The following DMC1 variants were observed in gnomAD, a reference collection of about 807,000 sequenced individuals.
DMC1 encodes the protein meiotic recombination protein DMC1 homolog.
Under a neutral mutation model 50.1 loss-of-function variants are expected in DMC1, and 27 were observed. The ratio of observed to expected loss-of-function variants is 0.54; its 90% CI spans 0.40 to 0.74. The LOEUF (loss-of-function observed/expected upper bound fraction) is 0.74. Ranked by LOEUF, DMC1 falls within the 30% of genes least tolerant of loss-of-function variation. The pLI is 0.00. For synonymous variants in DMC1, 148 were observed against 136.1 expected, an observed-to-expected ratio of 1.09 and a Z score of -0.61; for missense variants, 295 against 420.2, an observed-to-expected ratio of 0.70 and a Z score of 2.60.
intron 7 of DMC1, among the ~76,000 whole-genome samples, chr22:38,551,342 T>G (rs1408923222): frequency 6.6e-6 from 1 of 152,312 alleles, no homozygotes; most frequent in Admixed American, 6.5e-5. Flanking sequence ...ATTTACTTTT[T>G]TTTTCGAGAC....
intron 12 of DMC1, among the ~76,000 whole-genome samples, chr22:38,535,263 C>T (rs1436435525): frequency 6.6e-6 from 1 of 150,756 alleles, no homozygotes; most frequent in African/African-American, 2.4e-5. Flanking sequence ...CGTGCCACTG[C>T]ACTCTAGCCT....
chr22:38,540,940 T>G (rs1035681028), intron 8 of DMC1, among the ~76,000 whole-genome samples: 7 of 152,196 alleles, frequency 4.6e-5, no homozygotes, highest in African/African-American at 1.7e-4. Context: ...AAAGTGCCCT[T>G]ATACAAAGGC....
At chr22:38,554,443 GAAAAA>G (rs540883900) in intron 6 of DMC1, among the ~76,000 whole-genome samples, 10 of 52,004 alleles carry the variant, frequency 1.9e-4, no homozygotes, top group African/African-American at 6.5e-4. Context: ...CAAGTCAACA[GAAAAA>G]AAAAAAAAAA....
chr22:38,569,854 G>C (rs1320677467), intron 1 of DMC1, among the ~76,000 whole-genome samples, 189 bp downstream of exon 1: 1 of 152,198 alleles, frequency 6.6e-6, no homozygotes. Flanking sequence ...CCTAGACTCA[G>C]GTCCGATTCG....
intron 3 of DMC1, 36 bp from the exon 4 acceptor site, chr22:38,566,772 G>A (rs1569172857): frequency 6.2e-7 from 1 of 1,606,252 alleles, no homozygotes; most frequent in African/African-American, 1.3e-5. Context: ...AGACTGATAA[G>A]ATGCCAGCCT....
At chr22:38,526,809 C>T (rs1250870835) in intron 12 of DMC1, among the ~76,000 whole-genome samples, 1 of 151,990 alleles carries the variant, frequency 6.6e-6, no homozygotes, top group Admixed American at 6.6e-5. Context: ...CTATTGAGGT[C>T]TACTTACAGG....
intron 8 of DMC1, among the ~76,000 whole-genome samples, chr22:38,543,296 C>T (rs971856648): frequency 2.0e-5 from 3 of 146,936 alleles, no homozygotes; most frequent in Admixed American, 7.0e-5. Context: ...ATGGCATGAT[C>T]TCGGCTCACT....
chr22:38,553,510 A>G (rs1248026250), intron 6 of DMC1, among the ~76,000 whole-genome samples: 3 of 150,028 alleles, frequency 2.0e-5, no homozygotes, highest in African/African-American at 7.4e-5. Flanking sequence ...AAAAAAAAAA[A>G]AAAAAAGAAA....
intron 8 of DMC1, among the ~76,000 whole-genome samples, chr22:38,546,724 A>G (rs78496817): frequency 2.6e-5 from 4 of 152,210 alleles, no homozygotes; most frequent in Non-Finnish European, 2.9e-5. Context: ...AGATTAGAAA[A>G]AGCAGGCCTT....
Position 38,552,684 on chromosome 22 carries a change from G to C in DMC1, c.403C>G (p.Leu135Val). 1 of 1,594,124 alleles carries C rather than the reference G, an allele frequency of 6.3e-7. No homozygotes were observed. Among genetic ancestry groups the C allele is most frequent in the Non-Finnish European group, 8.6e-7 (1 of 1,162,172 alleles). The change falls in exon 7 of 14, where the codon CTT becomes GTT. Residue 135 changes from leucine (L) to valine (V), a missense_variant. By Grantham distance (32) the Leu-to-Val change is conservative. Coordinates refer to ENST00000216024, the MANE Select transcript of DMC1 (RefSeq NM_007068.4). ...FGEFRTGKTQ[L>V]SHTLCVTAQL... ...TCCTTACCACAGAGGGTATGAGAAAGCTGGGTTTTTCCAGTACGAAATTCT... is the reference window on the plus strand; with the variant it reads ...TCCTTACCACAGAGGGTATGAGAAACCTGGGTTTTTCCAGTACGAAATTCT...
chr22:38,531,366 T>C (rs936177158), intron 12 of DMC1, among the ~76,000 whole-genome samples: 13 of 152,046 alleles, frequency 8.6e-5, no homozygotes, highest in African/African-American at 3.1e-4. Context: ...GCTTCTATAA[T>C]TTCGTTCCTT....
chr22:38,517,696 G>A (rs923403171), downstream of DMC1, among the ~76,000 whole-genome samples: 24 of 152,218 alleles, frequency 1.6e-4, no homozygotes, highest in African/African-American at 5.8e-4. Context: ...TAGGACAAAA[G>A]TGTGCCTTTA....
intron 8 of DMC1, among the ~76,000 whole-genome samples, chr22:38,541,992 T>G (rs1056271160): frequency 6.6e-6 from 1 of 150,564 alleles, no homozygotes; most frequent in African/African-American, 2.5e-5. Context: ...AAAAAGCATT[T>G]GATAAAATTC....
intron 12 of DMC1, among the ~76,000 whole-genome samples, chr22:38,535,006 A>C (rs980469162): frequency 9.5e-5 from 14 of 147,024 alleles, no homozygotes; most frequent in African/African-American, 3.5e-4. Flanking sequence ...AACTCCATCT[A>C]AAAAAAAAAG....
intron 4 of DMC1, among the ~76,000 whole-genome samples, chr22:38,563,355 T>C (rs1856158407): frequency 6.6e-6 from 1 of 152,166 alleles, no homozygotes; most frequent in South Asian, 2.1e-4. Context: ...TCTTAAACTT[T>C]GGAGAACTTG....
At chr22:38,527,893 G>C (rs974217494) in intron 12 of DMC1, among the ~76,000 whole-genome samples, 7 of 151,900 alleles carry the variant, frequency 4.6e-5, no homozygotes, top group Non-Finnish European at 8.8e-5. Context: ...ATTCAGGTAA[G>C]GCATAACTCC....
intron 4 of DMC1, among the ~76,000 whole-genome samples, chr22:38,565,571 T>A (rs962849): frequency 0.029 from 4,488 of 152,336 alleles, 214 homozygotes; most frequent in African/African-American, 0.1. Context: ...ATACTGCCTA[T>A]GAGGTAGCCC....
At chr22:38,527,555 G>C (rs1321153144) in intron 12 of DMC1, among the ~76,000 whole-genome samples, 2 of 123,662 alleles carry the variant, frequency 1.6e-5, no homozygotes, top group African/African-American at 6.3e-5. Context: ...GTCTTGCTCT[G>C]TCACCCAGGA....
chr22:38,544,923 C>T (rs1335789503), intron 8 of DMC1, among the ~76,000 whole-genome samples: 1 of 151,914 alleles, frequency 6.6e-6, no homozygotes, highest in Non-Finnish European at 1.5e-5. Flanking sequence ...TGAGCCACTG[C>T]GCCCGGCAGC....
Sources: gnomAD v4.1 joint callset for allele counts (sites outside exome capture counted in the v4.1 genomes callset) on GRCh38, gnomAD v4.1.1 for gene constraint, MANE v1.5 for transcripts, NCBI Gene and HGNC (gene_info 2026-07-23, HGNC 2026-07-21) for gene names.